The following SAXO2 variants were observed in gnomAD, a reference collection of about 807,000 sequenced individuals.
The protein encoded by SAXO2 is stabilizer of axonemal microtubules 2.
A neutral mutation model predicts 18.7 loss-of-function variants in SAXO2; 17 were observed. The ratio of observed to expected loss-of-function variants is 0.91; its 90% CI spans 0.62 to 1.36. The LOEUF is 1.36. Among genes scored for constraint, SAXO2 ranks in the 40% most tolerant of loss-of-function variants. SAXO2 has a pLI of 0.00. For missense variants in SAXO2, 486 were observed against 562.6 expected (o/e 0.86, Z 1.38); for synonymous variants, 163 against 181.2 (o/e 0.90, Z 0.81).
intron 3 of SAXO2, among the ~76,000 whole-genome samples, chr15:82,278,727 TA>T (rs2075337556): frequency 6.6e-6 from 1 of 152,100 alleles, no homozygotes; most frequent in Non-Finnish European, 1.5e-5. Context: ...ATAACAGAAT[TA>T]AATTAGACAT....
chr15:82,263,760 T>G (rs978048489), intron 1 of SAXO2, among the ~76,000 whole-genome samples: 2 of 152,196 alleles, frequency 1.3e-5, no homozygotes, highest in Admixed American at 1.3e-4. Flanking sequence ...GAGAAAATTT[T>G]TACTTTTCTC....
rs576359951 is a variant in SAXO2, at chr15:82,282,584, C to T, written c.899C>T (p.Pro300Leu). Residue 300 changes from proline (P) to leucine (L), a missense_variant, in exon 4 of 4, where the codon CCT becomes CTT. Pro to Leu is a moderately conservative substitution (Grantham distance 98). Coordinates refer to ENST00000682753, the MANE Select transcript of SAXO2 (RefSeq NM_001348699.2). ...GTCAAGAAAGTACCAGAGTATGTGC[C>T]TCCTACAGGTAGCATGCTGTTAAAC... ...PEVKKVPEYV[P>L]PTGSMLLNST... 11 of 1,614,058 alleles carry T rather than the reference C, an allele frequency of 6.8e-6. No individual in the cohort carries two copies. In the Middle Eastern group the frequency reaches 4.9e-4, roughly 73 times the overall value.
At position 82,283,124 on chromosome 15, in the gene SAXO2, A is replaced by G; in HGVS notation, c.*62A>G. On this transcript the variant is annotated 3_prime_UTR_variant, in exon 4 of 4. Coordinates refer to ENST00000682753, the MANE Select transcript of SAXO2 (RefSeq NM_001348699.2). ...TTGTTGTTTTTCCAAGAGAAAACTC[A>G]ATTTTTATAGTTAAAAAATTTATGA... 1 of 1,153,618 alleles carries G rather than the reference A, an allele frequency of 8.7e-7. No homozygotes were observed. The highest frequency in any genetic ancestry group is 1.1e-6 in the Non-Finnish European group (1 of 876,748). 71.5% of individuals were successfully genotyped at this position (1,153,618 alleles called of 1,614,324 possible). A position where few individuals can be genotyped will look rare whatever the true frequency, so the allele number is the denominator to read the frequency against.
intron 2 of SAXO2, among the ~76,000 whole-genome samples, chr15:82,270,221 G>A (rs1172775993): frequency 1.3e-5 from 2 of 152,186 alleles, no homozygotes; most frequent in Non-Finnish European, 2.9e-5. Context: ...AGAAGAATGT[G>A]TAGGTAGGTC....
At chr15:82,263,334 A>G (rs1187813864) in intron 1 of SAXO2, 3 of 893,748 alleles carry the variant, frequency 3.4e-6, no homozygotes, top group Admixed American at 2.0e-5. Context: ...TCTGCAACCC[A>G]TATCACATTT....
chr15:82,266,839 A>G (rs1269226565), intron 2 of SAXO2, among the ~76,000 whole-genome samples: 1 of 152,260 alleles, frequency 6.6e-6, no homozygotes, highest in Non-Finnish European at 1.5e-5. Flanking sequence ...TATTTTTAGA[A>G]AACGAATACA....
Position 82,283,322 on chromosome 15 carries a change from TAC to T in SAXO2, c.*261_*262del, listed in dbSNP as rs1469732864. The T allele has an allele frequency of 4.2e-6, 1 of 240,962 alleles. No individual in the cohort carries two copies. The highest frequency in any genetic ancestry group is 7.8e-6 in the Non-Finnish European group (1 of 128,232). The allele number at this position is 240,962 out of a possible 1,614,324, so 14.9% of individuals were successfully genotyped here. A position where few individuals can be genotyped will look rare whatever the true frequency, so the allele number is the denominator to read the frequency against. On this transcript the variant is annotated 3_prime_UTR_variant, in exon 4 of 4. Coordinates refer to ENST00000682753, the MANE Select transcript of SAXO2 (RefSeq NM_001348699.2). Reference sequence around the variant, plus strand: ...ATGAGAACTATTTTAGTATTCAACATACTGCTTAGTAGCTTGTCCCCAGTCTA... The same window carrying T: ...ATGAGAACTATTTTAGTATTCAACATTGCTTAGTAGCTTGTCCCCAGTCTA...
chr15:82,270,908 C>G (rs2141367328), intron 2 of SAXO2, among the ~76,000 whole-genome samples: 2 of 152,304 alleles, frequency 1.3e-5, no homozygotes, highest in East Asian at 3.9e-4. Flanking sequence ...GTGGCCTGAT[C>G]AGTCTAAGTT....
chr15:82,280,916 C>G (rs1006409516), intron 3 of SAXO2, among the ~76,000 whole-genome samples: 3 of 152,180 alleles, frequency 2.0e-5, no homozygotes, highest in African/African-American at 7.2e-5. Flanking sequence ...CAGGTACACG[C>G]TCTCATCCAG....
chr15:82,267,368 A>G (rs1287766552), intron 2 of SAXO2, among the ~76,000 whole-genome samples: 4 of 152,248 alleles, frequency 2.6e-5, no homozygotes, highest in Admixed American at 2.0e-4. Flanking sequence ...GAGCCTCTCC[A>G]AAGGAAGCAA....
chr15:82,267,347 G>C (rs759676858), intron 2 of SAXO2, among the ~76,000 whole-genome samples: 1 of 152,202 alleles, frequency 6.6e-6, no homozygotes, highest in African/African-American at 2.4e-5. Context: ...GCATTCTTTT[G>C]AGTTTCTGAT....
At chr15:82,265,236 G>C (rs1363767819) in intron 1 of SAXO2, among the ~76,000 whole-genome samples, 1 of 152,154 alleles carries the variant, frequency 6.6e-6, no homozygotes, top group Non-Finnish European at 1.5e-5. Flanking sequence ...CGCCTCCCAG[G>C]TTCACGCCAT....
chr15:82,264,177 T>C (rs1255008427), intron 1 of SAXO2, among the ~76,000 whole-genome samples: 1 of 151,090 alleles, frequency 6.6e-6, no homozygotes, highest in East Asian at 1.9e-4. Context: ...TTCAAGCAAT[T>C]CTCCTGCCTC....
intron 2 of SAXO2, among the ~76,000 whole-genome samples, chr15:82,271,155 A>G (rs1004475162): frequency 6.6e-6 from 1 of 152,238 alleles, no homozygotes. Flanking sequence ...TGAATTCAAA[A>G]AGAAGAAAGT....
chr15:82,282,594 T>C lies in SAXO2; in HGVS notation c.909T>C (p.Gly303=), dbSNP rs1424306325. 1.9e-6 allele frequency: 3 copies of C among 1,614,010 alleles called. No homozygotes were observed. Among genetic ancestry groups the C allele is most frequent in the Non-Finnish European group, 1.7e-6 (2 of 1,180,006 alleles). ...KKVPEYVPPT[G]SMLLNSTSHL... is the part of the protein sequence containing the mutation. ...TACCAGAGTATGTGCCTCCTACAGGTAGCATGCTGTTAAACAGCACAAGCC... is the reference window on the plus strand; with the variant it reads ...TACCAGAGTATGTGCCTCCTACAGGCAGCATGCTGTTAAACAGCACAAGCC... The change falls in exon 4 of 4, where the codon GGT becomes GGC. Residue 303 remains glycine, a synonymous_variant. Transcript: ENST00000682753.
chr15:82,279,674 G>A (rs956632243), intron 3 of SAXO2, among the ~76,000 whole-genome samples: 4 of 152,154 alleles, frequency 2.6e-5, no homozygotes, highest in African/African-American at 9.7e-5. Flanking sequence ...CTGAGGCCGA[G>A]GATGATGTCC....
At chr15:82,271,130 A>G (rs747555006) in intron 2 of SAXO2, among the ~76,000 whole-genome samples, 5 of 152,264 alleles carry the variant, frequency 3.3e-5, no homozygotes, top group Non-Finnish European at 7.3e-5. Flanking sequence ...TTTAACAATA[A>G]GCGAGAAAAC....
At position 82,283,174 on chromosome 15, in the gene SAXO2, T is replaced by G. The variant is rs2075383494; in HGVS notation, c.*112T>G. On this transcript the variant is annotated 3_prime_UTR_variant, in exon 4 of 4. Transcript: ENST00000682753. Reference sequence around the variant, plus strand: ...ATATAATAAATCATTTTTTATATTTTTAAACAAGAAAATTGGAAAATATAT... The same window carrying G: ...ATATAATAAATCATTTTTTATATTTGTAAACAAGAAAATTGGAAAATATAT... 3 of 717,586 alleles carry G rather than the reference T, an allele frequency of 4.2e-6. No individual in the cohort carries two copies. In the South Asian group the frequency reaches 1.5e-4, roughly 36 times the overall value. 44.5% of individuals were successfully genotyped at this position (717,586 alleles called of 1,614,324 possible).
In SAXO2 at chr15:82,282,386, C is replaced by A; in HGVS notation, c.701C>A (p.Thr234Asn). 1 of 1,614,166 alleles carries A rather than the reference C, an allele frequency of 6.2e-7. No individual in the cohort carries two copies. Among genetic ancestry groups the A allele is most frequent in the Non-Finnish European group, 8.5e-7 (1 of 1,180,022 alleles). The change falls in exon 4 of 4, where the codon ACT becomes AAT. Residue 234 changes from threonine to asparagine, a missense_variant. Coordinates refer to ENST00000682753, the MANE Select transcript of SAXO2 (RefSeq NM_001348699.2). ...FERPKEVYKP[T>N]DQRFEDLTTH... ...AGGCCAAAAGAAGTTTACAAACCAACTGACCAACGCTTTGAGGATCTCACA... is the reference window on the plus strand; with the variant it reads ...AGGCCAAAAGAAGTTTACAAACCAAATGACCAACGCTTTGAGGATCTCACA...
Sources: allele counts gnomAD v4.1 joint callset (sites outside exome capture counted in the v4.1 genomes callset), GRCh38; gene constraint gnomAD v4.1.1; transcripts MANE v1.5; gene names NCBI Gene and HGNC (gene_info 2026-07-23, HGNC 2026-07-21).